The following SLCO1B3 variants were observed in gnomAD, a reference collection of about 807,000 sequenced individuals.
SLCO1B3 encodes the protein solute carrier organic anion transporter family member 1B3, also known as liver-specific organic anion transporter 2.
SLCO1B3 carries 72 observed loss-of-function variants against 71.8 expected under a neutral mutation model. The ratio of observed to expected loss-of-function variants is 1.00; its 90% confidence interval spans 0.83 to 1.22. SLCO1B3 has a LOEUF of 1.22. SLCO1B3 is among the 50% of genes most tolerant of loss of function. The pLI, the probability that SLCO1B3 is intolerant of heterozygous loss-of-function variation, is 0.00. For synonymous variants in SLCO1B3, 298 were observed against 278.4 expected (o/e 1.07, Z -0.70); for missense variants, 911 against 819.7 (o/e 1.11, Z -1.36).
At chr12:20,813,784 A>G (rs1310294012) in intron 2 of SLCO1B3, 146 bp downstream of exon 2, 1 of 152,168 alleles carries the variant, frequency 6.6e-6, no homozygotes, top group Non-Finnish European at 1.5e-5. Flanking sequence ...TGATTAAAAT[A>G]TTGTGACCAA....
At chr12:20,811,749 C>G (rs1864113589) in intron 1 of SLCO1B3, among the ~76,000 whole-genome samples, 1 of 151,908 alleles carries the variant, frequency 6.6e-6, no homozygotes, top group Admixed American at 6.6e-5. Context: ...TTATTTATGT[C>G]AATAATTTGG....
intron 3 of SLCO1B3, among the ~76,000 whole-genome samples, chr12:20,829,730 G>A (rs1436943163): frequency 6.6e-6 from 1 of 152,188 alleles, no homozygotes; most frequent in Admixed American, 6.5e-5. Flanking sequence ...ATTCCATAGA[G>A]AGAGCAGCCC....
chr12:20,858,578 G>A lies in SLCO1B3; in HGVS notation c.359+7G>A, dbSNP rs775475926. On this transcript the variant is annotated splice_region_variant and intron_variant, in intron 5 of 15. Transcript: ENST00000381545. Reference sequence around the variant, plus strand: ...CACATTTCTTCATGGGATAGTAAGTGTTAAACAGCTCTGAGCCATTTATTA... The same window carrying A: ...CACATTTCTTCATGGGATAGTAAGTATTAAACAGCTCTGAGCCATTTATTA... The A allele has an allele frequency of 6.2e-7, 1 of 1,603,448 alleles. No homozygotes were observed. The highest frequency in any genetic ancestry group is 8.5e-7 in the Non-Finnish European group (1 of 1,172,096).
intron 10 of SLCO1B3, among the ~76,000 whole-genome samples, 175 bp downstream of exon 10, chr12:20,878,111 A>G (rs1865619383): frequency 6.6e-6 from 1 of 151,858 alleles, no homozygotes; most frequent in Non-Finnish European, 1.5e-5. Flanking sequence ...CTGCATTTGA[A>G]GTTGCATCTC....
At chr12:20,861,465 A>G (rs1033602436) in intron 6 of SLCO1B3, among the ~76,000 whole-genome samples, 4 of 151,742 alleles carry the variant, frequency 2.6e-5, no homozygotes, top group Admixed American at 2.6e-4. Context: ...TGTACATATG[A>G]GTTGTCCTAG....
intron 4 of SLCO1B3, 27 bp from the exon 5 acceptor site, chr12:20,858,412 A>G: frequency 1.3e-6 from 2 of 1,498,992 alleles, no homozygotes; most frequent in South Asian, 2.3e-5. Context: ...ACTAAGTCAT[A>G]TCAACATAAT....
chr12:20,824,790 C>A (rs554861148), intron 3 of SLCO1B3, among the ~76,000 whole-genome samples: 1 of 152,034 alleles, frequency 6.6e-6, no homozygotes, highest in East Asian at 1.9e-4. Context: ...TTTGGACTTC[C>A]GGTGACCTAT....
At chr12:20,888,108 C>T (rs1050629068) in intron 13 of SLCO1B3, among the ~76,000 whole-genome samples, 5 of 151,728 alleles carry the variant, frequency 3.3e-5, no homozygotes, top group Admixed American at 2.0e-4. Context: ...TACTAGTACC[C>T]TTTTATTTTG....
At chr12:20,875,538 A>C in intron 9 of SLCO1B3, 61 bp downstream of exon 9, 1 of 1,513,876 alleles carries the variant, frequency 6.6e-7, no homozygotes, top group Non-Finnish European at 8.9e-7. Context: ...CGGAGAAGTG[A>C]GTAAAAAAAA....
chr12:20,876,701 CTGT>C (rs1299730290), intron 9 of SLCO1B3, among the ~76,000 whole-genome samples: 5 of 152,134 alleles, frequency 3.3e-5, no homozygotes, highest in Admixed American at 2.0e-4. Context: ...CCCAGTGAAT[CTGT>C]TGTTAAACAT....
chr12:20,901,620 T>C (rs1866135926), intron 15 of SLCO1B3, among the ~76,000 whole-genome samples, 153 bp downstream of exon 15: 1 of 152,248 alleles, frequency 6.6e-6, no homozygotes, highest in Non-Finnish European at 1.5e-5. Flanking sequence ...AGCATTCTGG[T>C]ATCTCATTTT....
intron 8 of SLCO1B3, among the ~76,000 whole-genome samples, chr12:20,874,740 T>A (rs972306017): frequency 1.3e-5 from 2 of 152,138 alleles, no homozygotes; most frequent in Non-Finnish European, 2.9e-5. Context: ...GTCTGGAGAG[T>A]TGCAAATGCA....
chr12:20,872,882 C>T (rs543791728), intron 8 of SLCO1B3, among the ~76,000 whole-genome samples: 1 of 152,290 alleles, frequency 6.6e-6, no homozygotes, highest in East Asian at 1.9e-4. Flanking sequence ...AGAAAACCTT[C>T]ATCAATCAGC....
At chr12:20,881,256 A>G (rs550370032) in intron 12 of SLCO1B3, among the ~76,000 whole-genome samples, 1 of 151,998 alleles carries the variant, frequency 6.6e-6, no homozygotes, top group Non-Finnish European at 1.5e-5. Flanking sequence ...GAGATTACCC[A>G]CTTTTTTTCT....
chr12:20,883,760 A>G (rs1159634892), intron 13 of SLCO1B3, among the ~76,000 whole-genome samples, 158 bp downstream of exon 13: 2 of 151,920 alleles, frequency 1.3e-5, no homozygotes, highest in Admixed American at 1.3e-4. Flanking sequence ...TTTCAATAAC[A>G]TCATTAATAA....
intron 15 of SLCO1B3, among the ~76,000 whole-genome samples, chr12:20,907,418 C>G (rs567827205): frequency 8.8e-6 from 1 of 113,234 alleles, no homozygotes; most frequent in Admixed American, 1.0e-4. Flanking sequence ...TTCCTTCCTT[C>G]CCTTCCTTTC....
intron 10 of SLCO1B3, 99 bp from the exon 11 acceptor site, chr12:20,879,337 G>T: frequency 1.2e-6 from 1 of 819,960 alleles, no homozygotes; most frequent in Non-Finnish European, 1.8e-6. Flanking sequence ...AATAAGAATG[G>T]GTGAATTTGG....
intron 13 of SLCO1B3, among the ~76,000 whole-genome samples, chr12:20,891,244 T>G (rs986771518): frequency 6.6e-6 from 1 of 152,100 alleles, no homozygotes; most frequent in Non-Finnish European, 1.5e-5. Context: ...GTTTGCTTAT[T>G]TGGGAAGTAC....
chr12:20,865,399 T>C (rs892064243), intron 8 of SLCO1B3, among the ~76,000 whole-genome samples: 3 of 152,258 alleles, frequency 2.0e-5, no homozygotes, highest in East Asian at 1.9e-4. Context: ...ATTTTTCTTA[T>C]AGATCAGAGT....
Sources: allele counts gnomAD v4.1 joint callset (sites outside exome capture counted in the v4.1 genomes callset), GRCh38; gene constraint gnomAD v4.1.1; transcripts MANE v1.5; gene names NCBI Gene and HGNC (gene_info 2026-07-23, HGNC 2026-07-21).